The following DPP10 variants were observed in gnomAD, a reference collection of about 807,000 sequenced individuals.
DPP10 encodes dipeptidyl peptidase like 10.
In DPP10, 33 loss-of-function variants were observed where a neutral mutation model predicts 120.9. That is an observed-to-expected ratio of 0.27 (90% confidence interval 0.21 to 0.37). The LOEUF (loss-of-function observed/expected upper bound fraction) is 0.37. Ranked by LOEUF, DPP10 falls within the 10% of genes least tolerant of loss-of-function variation. The pLI is 1.00. For missense variants in DPP10, 816 were observed against 942.8 expected, an observed-to-expected ratio of 0.87 and a Z score of 1.76; for synonymous variants, 337 against 326.1, an observed-to-expected ratio of 1.03 and a Z score of -0.36.
intron 1 of DPP10, among the ~76,000 whole-genome samples, chr2:114,467,198 C>A (rs529442910): frequency 1.4e-4 from 21 of 152,098 alleles, no homozygotes; most frequent in African/African-American, 4.6e-4. Context: ...GGTAAGGAAC[C>A]CTTTAAGGGA....
chr2:114,532,829 C>G (rs1370195561), intron 1 of DPP10, among the ~76,000 whole-genome samples: 1 of 152,092 alleles, frequency 6.6e-6, no homozygotes, highest in Non-Finnish European at 1.5e-5. Context: ...ATGTCAGAGG[C>G]CCCACTCAGA....
intron 2 of DPP10, among the ~76,000 whole-genome samples, chr2:115,322,917 C>T (rs2062140876): frequency 6.6e-6 from 1 of 152,168 alleles, no homozygotes; most frequent in Non-Finnish European, 1.5e-5. Context: ...TTCTGCAAAT[C>T]ATAATCTTTT....
intron 7 of DPP10, among the ~76,000 whole-genome samples, chr2:115,714,991 C>T (rs570894423): frequency 7.4e-4 from 107 of 145,430 alleles, no homozygotes; most frequent in African/African-American, 2.5e-3. Context: ...ATCGCGCCAC[C>T]GCACTCCAGC....
chr2:114,688,276 T>C lies in DPP10; in HGVS notation c.60+245438T>C, dbSNP rs930599468. On this transcript the variant is annotated intron_variant, in intron 1 of 25. Coordinates refer to ENST00000410059, the MANE Select transcript of DPP10 (RefSeq NM_020868.6). Reference sequence around the variant, plus strand: ...CTCATAACAAACCTGCACTTGTATCTCCTGAATCTAAAATATAAAAAACAT... The same window carrying C: ...CTCATAACAAACCTGCACTTGTATCCCCTGAATCTAAAATATAAAAAACAT... 3.3e-5 allele frequency among the ~76,000 whole-genome samples: 5 copies of C among 151,988 alleles called. No individual in the cohort carries two copies. The South Asian group carries it at 8.3e-4, about 25-fold the overall frequency.
intron 1 of DPP10, among the ~76,000 whole-genome samples, chr2:114,818,709 G>A (rs1685842120): frequency 6.6e-6 from 1 of 151,938 alleles, no homozygotes; most frequent in Admixed American, 6.6e-5. Context: ...TTCAGTAGAT[G>A]ACATCTGCTG....
At chr2:114,574,509 G>C (rs1689908023) in intron 1 of DPP10, among the ~76,000 whole-genome samples, 1 of 152,212 alleles carries the variant, frequency 6.6e-6, no homozygotes, top group Admixed American at 6.5e-5. Flanking sequence ...GGAATGTGAA[G>C]AGGAAAGGTA....
chr2:115,226,660 A>G (rs77808903), intron 1 of DPP10, among the ~76,000 whole-genome samples: 2,032 of 152,282 alleles, frequency 0.013, 40 homozygotes, highest in African/African-American at 0.047. Flanking sequence ...GAGCACTTCT[A>G]TGTATAACAG....
At chr2:114,904,601 G>T (rs891118878) in intron 1 of DPP10, among the ~76,000 whole-genome samples, 3 of 152,254 alleles carry the variant, frequency 2.0e-5, no homozygotes, top group Admixed American at 6.5e-5. Flanking sequence ...TATGTACTGA[G>T]GACAACACCA....
intron 1 of DPP10, among the ~76,000 whole-genome samples, chr2:115,123,409 C>T (rs2049921223): frequency 6.6e-6 from 1 of 152,124 alleles, no homozygotes; most frequent in Admixed American, 6.6e-5. Context: ...GCTCAGTGGC[C>T]TGCTAGCACT....
chr2:115,601,830 T>C (rs2083340042), intron 5 of DPP10, among the ~76,000 whole-genome samples: 2 of 138,748 alleles, frequency 1.4e-5, no homozygotes, highest in African/African-American at 2.9e-5. Flanking sequence ...CGCACAACCA[T>C]GCCTGGCTAT....
At position 114,698,564 on chromosome 2, in the gene DPP10, G is replaced by C. The variant is rs370138336; in HGVS notation, c.60+255726G>C. Among the ~76,000 whole-genome samples, 8 of 152,220 alleles carry C rather than the reference G, an allele frequency of 5.3e-5. No homozygotes were observed. In the East Asian group the frequency reaches 7.7e-4, roughly 15 times the overall value. On this transcript the variant is annotated intron_variant, in intron 1 of 25. Coordinates refer to ENST00000410059, the MANE Select transcript of DPP10 (RefSeq NM_020868.6). The stretch of plus-strand genomic sequence containing the variant: ...AGGGTCAAGGGGTCAAGTGTTTCTT[G>C]TTGATACCCAGAACACGTGAGATCA...
chr2:114,527,170 C>T (rs142587904), intron 1 of DPP10, among the ~76,000 whole-genome samples: 46 of 152,222 alleles, frequency 3.0e-4, no homozygotes, highest in Non-Finnish European at 3.4e-4. Flanking sequence ...AATCTTTAGA[C>T]GAGAGTTTAT....
chr2:114,858,536 C>T lies in DPP10; in HGVS notation c.60+415698C>T, dbSNP rs548478381. 7.9e-5 allele frequency among the ~76,000 whole-genome samples: 12 copies of T among 152,278 alleles called. No individual in the cohort carries two copies. The South Asian group carries it at 2.3e-3, about 29-fold the overall frequency. On this transcript the variant is annotated intron_variant, in intron 1 of 25. Transcript: ENST00000410059. ...CTAGTGAAGTGTACCTTGATTGTAT[C>T]TGAGGCTGAGCATTTTCTTTTAAAA...
At chr2:115,170,566 A>G (rs561569138) in intron 1 of DPP10, among the ~76,000 whole-genome samples, 48 of 152,202 alleles carry the variant, frequency 3.2e-4, no homozygotes, top group Non-Finnish European at 4.0e-4. Context: ...GCTTTTAGGG[A>G]CTTCAAGGGA....
chr2:114,666,685 C>A (rs1468193257), intron 1 of DPP10, among the ~76,000 whole-genome samples: 1 of 152,134 alleles, frequency 6.6e-6, no homozygotes, highest in Non-Finnish European at 1.5e-5. Flanking sequence ...TAGAGGTTAT[C>A]TAGAGGAGTT....
chr2:115,631,360 C>A (rs1048714788), intron 5 of DPP10, among the ~76,000 whole-genome samples: 1 of 151,078 alleles, frequency 6.6e-6, no homozygotes, highest in Non-Finnish European at 1.5e-5. Flanking sequence ...TTTTCAAAAA[C>A]AAACTGGATT....
At chr2:115,454,274 TA>T (rs1160565520) in intron 3 of DPP10, among the ~76,000 whole-genome samples, 1 of 151,354 alleles carries the variant, frequency 6.6e-6, no homozygotes, top group Non-Finnish European at 1.5e-5. Context: ...ACCAAACAGA[TA>T]AATAAACAAC....
At chr2:115,260,208 C>T (rs1447356459) in intron 1 of DPP10, among the ~76,000 whole-genome samples, 2 of 151,590 alleles carry the variant, frequency 1.3e-5, no homozygotes, top group African/African-American at 4.8e-5. Flanking sequence ...TGTATAACTT[C>T]ATGGTATTAT....
intron 1 of DPP10, among the ~76,000 whole-genome samples, chr2:115,261,179 C>A (rs751050184): frequency 1.3e-5 from 2 of 152,190 alleles, no homozygotes; most frequent in Non-Finnish European, 2.9e-5. Context: ...TCTTGCTCTA[C>A]ATTCTAACTT....
Sources: allele counts gnomAD v4.1 joint callset (sites outside exome capture counted in the v4.1 genomes callset), GRCh38; gene constraint gnomAD v4.1.1; transcripts MANE v1.5; gene names NCBI Gene and HGNC (gene_info 2026-07-23, HGNC 2026-07-21).